The following THSD7A variants were observed in gnomAD, a reference collection of about 807,000 sequenced individuals.
THSD7A encodes the protein thrombospondin type-1 domain-containing protein 7A.
A neutral mutation model predicts 231.3 loss-of-function variants in THSD7A; 96 were observed. The observed-to-expected ratio is 0.41, with a 90% CI of 0.35 to 0.49. The LOEUF (loss-of-function observed/expected upper bound fraction) is 0.49. THSD7A is among the 20% of genes least tolerant of loss of function. The pLI is 0.05. For missense variants in THSD7A, 2,290 were observed against 2,070.2 expected, an observed-to-expected ratio of 1.11 and a Z score of -2.06; for synonymous variants, 940 against 743.3, an observed-to-expected ratio of 1.26 and a Z score of -4.30.
chr7:11,522,924 G>C (rs1324946256), intron 6 of THSD7A, among the ~76,000 whole-genome samples: 1 of 151,978 alleles, frequency 6.6e-6, no homozygotes, highest in Non-Finnish European at 1.5e-5. Flanking sequence ...ATCTGTACCA[G>C]GTCTCTTTAG....
At chr7:11,808,853 C>G (rs1784460086) in intron 1 of THSD7A, among the ~76,000 whole-genome samples, 1 of 151,958 alleles carries the variant, frequency 6.6e-6, no homozygotes, top group South Asian at 2.1e-4. Flanking sequence ...ACAAGAATAT[C>G]ATTTACAGTA....
intron 6 of THSD7A, among the ~76,000 whole-genome samples, chr7:11,495,845 C>T (rs920209942): frequency 7.2e-5 from 11 of 151,842 alleles, no homozygotes; most frequent in East Asian, 1.9e-4. Context: ...CTTACAAAGC[C>T]GGGGGAAAAT....
At chr7:11,790,883 CA>C (rs1783931929) in intron 1 of THSD7A, among the ~76,000 whole-genome samples, 1 of 151,838 alleles carries the variant, frequency 6.6e-6, no homozygotes, top group African/African-American at 2.4e-5. Context: ...TTAAAATAAA[CA>C]TTTTTTCACT....
intron 6 of THSD7A, among the ~76,000 whole-genome samples, chr7:11,527,739 A>C (rs1788538190): frequency 6.6e-6 from 1 of 152,212 alleles, no homozygotes; most frequent in Admixed American, 6.5e-5. Context: ...TAAGCCTAGT[A>C]GCCACTTATT....
At chr7:11,489,350 T>C (rs1305840628) in intron 6 of THSD7A, among the ~76,000 whole-genome samples, 1 of 152,160 alleles carries the variant, frequency 6.6e-6, no homozygotes, top group Non-Finnish European at 1.5e-5. Flanking sequence ...GATTTCTTCC[T>C]GGCTATAGGC....
At chr7:11,755,423 A>G (rs1405499867) in intron 1 of THSD7A, among the ~76,000 whole-genome samples, 1 of 152,134 alleles carries the variant, frequency 6.6e-6, no homozygotes, top group Non-Finnish European at 1.5e-5. Context: ...TGTCCTAGTT[A>G]AAGTCCTCCA....
chr7:11,695,512 G>T (rs1380619665), intron 1 of THSD7A, among the ~76,000 whole-genome samples: 4 of 151,456 alleles, frequency 2.6e-5, no homozygotes, highest in Non-Finnish European at 5.9e-5. Context: ...GCTGTGAAAA[G>T]ACAAAATTGA....
chr7:11,722,780 C>G (rs1329252920), intron 1 of THSD7A, among the ~76,000 whole-genome samples: 1 of 151,948 alleles, frequency 6.6e-6, no homozygotes, highest in Non-Finnish European at 1.5e-5. Flanking sequence ...CAATGAGATA[C>G]CATCTCACAC....
chr7:11,494,036 T>C (rs1787001992), intron 6 of THSD7A, among the ~76,000 whole-genome samples: 2 of 151,996 alleles, frequency 1.3e-5, no homozygotes, highest in Non-Finnish European at 2.9e-5. Flanking sequence ...CAGGTACAGA[T>C]AAACGTTAGT....
intron 4 of THSD7A, among the ~76,000 whole-genome samples, chr7:11,547,227 T>C (rs1211891159): frequency 1.3e-5 from 2 of 152,166 alleles, no homozygotes; most frequent in Non-Finnish European, 2.9e-5. Context: ...TTATTGACAC[T>C]ATAAAGCAAC....
chr7:11,806,786 A>G (rs904571520), intron 1 of THSD7A, among the ~76,000 whole-genome samples: 1 of 152,160 alleles, frequency 6.6e-6, no homozygotes, highest in Non-Finnish European at 1.5e-5. Flanking sequence ...GGTGCCCAGT[A>G]CACAGTTAAG....
intron 1 of THSD7A, among the ~76,000 whole-genome samples, chr7:11,699,953 C>A (rs1314184793): frequency 6.6e-6 from 1 of 151,280 alleles, no homozygotes; most frequent in African/African-American, 2.4e-5. Context: ...AAAATGAAAT[C>A]TTTTCACTTA....
chr7:11,704,558 T>G (rs967547843), intron 1 of THSD7A, among the ~76,000 whole-genome samples: 2 of 150,952 alleles, frequency 1.3e-5, no homozygotes, highest in African/African-American at 2.4e-5. Flanking sequence ...ATATGTTCAG[T>G]GCTGGGCAGT....
At chr7:11,392,260 T>TG (rs140926058) in intron 23 of THSD7A, among the ~76,000 whole-genome samples, 3,209 of 151,740 alleles carry the variant, frequency 0.021, 125 homozygotes, top group African/African-American at 0.073. Flanking sequence ...TGAAGCAGGG[T>TG]GGGGTGTTGC....
chr7:11,780,111 A>G (rs1373447811), intron 1 of THSD7A, among the ~76,000 whole-genome samples: 2 of 152,188 alleles, frequency 1.3e-5, no homozygotes, highest in East Asian at 1.9e-4. Context: ...ACAGATGTAT[A>G]TCTTTTCATT....
At chr7:11,806,601 G>A (rs1310141493) in intron 1 of THSD7A, among the ~76,000 whole-genome samples, 1 of 152,162 alleles carries the variant, frequency 6.6e-6, no homozygotes, top group Non-Finnish European at 1.5e-5. Flanking sequence ...GTTTCTAAAT[G>A]AAACTTGAAT....
intron 1 of THSD7A, among the ~76,000 whole-genome samples, chr7:11,742,629 A>G (rs895595724): frequency 6.6e-4 from 101 of 152,034 alleles, no homozygotes; most frequent in African/African-American, 2.4e-3. Flanking sequence ...ACGTCCTTTC[A>G]GCTAAGAAGG....
rs1471698068 is a variant in THSD7A at position 11,411,052 on chromosome 7, A to ATT, written c.3798+153_3798+154dup. On this transcript the variant is annotated intron_variant, in intron 19 of 27. Transcript: ENST00000423059. The surrounding 1 kb of genome is among the most constrained non-coding windows in gnomAD (Gnocchi z 4.1). ...TATGTAGGAATCAGTAGTGTTGGAC[A>ATT]TTGTGTCTTTTCAAGAACATACTTA... Among the ~76,000 whole-genome samples the ATT allele has an allele frequency of 6.6e-5, 10 of 152,030 alleles. No individual in the cohort carries two copies. Among genetic ancestry groups the ATT allele is most frequent in the African/African-American group, 2.4e-4 (10 of 41,412 alleles).
chr7:11,535,789 G>A (rs965345123), intron 6 of THSD7A, among the ~76,000 whole-genome samples: 2 of 152,094 alleles, frequency 1.3e-5, no homozygotes, highest in Non-Finnish European at 2.9e-5. Flanking sequence ...ATTTGAAGTT[G>A]TGCTCTCATC....
Sources: allele counts gnomAD v4.1 joint callset (sites outside exome capture counted in the v4.1 genomes callset), GRCh38; gene constraint gnomAD v4.1.1; non-coding constraint Gnocchi (gnomAD v3.1); transcripts MANE v1.5; gene names NCBI Gene and HGNC (gene_info 2026-07-23, HGNC 2026-07-21).